NINJ2: variants seen among roughly 807,000 people sequenced by gnomAD.
NINJ2 encodes ninjurin 2.
NINJ2 carries 12 observed loss-of-function variants against 11.7 expected under a neutral mutation model. That is an observed-to-expected ratio of 1.02 (90% CI 0.66 to 1.66). NINJ2 has a LOEUF of 1.66. Among genes scored for constraint, NINJ2 ranks in the 40% most tolerant of loss-of-function variants. The pLI is 0.00. For synonymous variants in NINJ2, 93 were observed against 76.8 expected (o/e 1.21, Z -1.10); for missense variants, 187 against 181.8 (o/e 1.03, Z -0.16).
chr12:608,370 C>A (rs1438252026), intron 1 of NINJ2, among the ~76,000 whole-genome samples: 1 of 152,192 alleles, frequency 6.6e-6, no homozygotes, highest in Non-Finnish European at 1.5e-5. Context: ...TGAATAATAG[C>A]GAACACTTAA....
intron 1 of NINJ2, among the ~76,000 whole-genome samples, chr12:577,437 A>ATGTATATATATATATACATATATATG (rs1172123837): frequency 7.9e-5 from 11 of 138,592 alleles, no homozygotes; most frequent in Non-Finnish European, 9.4e-5. Flanking sequence ...ATACATATAT[A>ATGTATATATATATATACATATATATG]TATATAAATA....
At chr12:636,070 C>A (rs1948348556) in intron 1 of NINJ2, among the ~76,000 whole-genome samples, 1 of 151,016 alleles carries the variant, frequency 6.6e-6, no homozygotes, top group South Asian at 2.1e-4. Context: ...GAGCGAGACT[C>A]TGTATAAAAA....
rs559132769 is a variant in NINJ2, at chr12:635,963, G to C, written c.33+27365C>G. Among the ~76,000 whole-genome samples, 10 of 152,304 alleles carry C rather than the reference G, an allele frequency of 6.6e-5. No homozygotes were observed. In the East Asian group the frequency reaches 1.7e-3, roughly 26 times the overall value. ...ATGGTGGCAGGTGCCTGTAATCCCA[G>C]CTACTCAGGAGGCTGAGGCAGGAGA... On this transcript the variant is annotated intron_variant, in intron 1 of 3. Coordinates refer to ENST00000305108, the MANE Select transcript of NINJ2 (RefSeq NM_016533.6).
chr12:600,685 TGTGTGTGTGTGTG>T (rs1947855606), intron 1 of NINJ2, among the ~76,000 whole-genome samples: 1 of 150,608 alleles, frequency 6.6e-6, no homozygotes. Flanking sequence ...TGTGTGTGTG[TGTGTGTGTGTGTG>T]TTTTGAGACA....
At position 585,923 on chromosome 12, in the gene NINJ2, A is replaced by G. The variant is rs11612008; in HGVS notation, c.34-19745T>C. The G allele has an allele frequency of 0.26, 39,051 of 151,854 alleles. 5,273 individuals are homozygous for G. Among genetic ancestry groups the G allele is most frequent in the South Asian group, 0.37 (1,778 of 4,822 alleles). The allele number at this position is 151,854 out of a possible 1,614,324, so 9.4% of individuals were successfully genotyped here. ...GGCCATCTCAGCTGGCTCCAGACAGACAAGAAGACTCCTTCAGTGTTCTTC... is the reference window on the plus strand; with the variant it reads ...GGCCATCTCAGCTGGCTCCAGACAGGCAAGAAGACTCCTTCAGTGTTCTTC... On this transcript the variant is annotated intron_variant, in intron 1 of 3. Coordinates refer to ENST00000305108, the MANE Select transcript of NINJ2 (RefSeq NM_016533.6). This position sits in a 1 kb window ranked among gnomAD's most constrained non-coding sequence, Gnocchi z 4.1.
intron 1 of NINJ2, among the ~76,000 whole-genome samples, chr12:598,725 G>T (rs1199144206): frequency 2.0e-5 from 3 of 151,820 alleles, no homozygotes; most frequent in South Asian, 2.1e-4. Context: ...TTTGAGACAG[G>T]ATCTTTCTTT....
rs1309243055 is a variant in NINJ2 at position 620,700 on chromosome 12, G to T, written c.33+42628C>A. On this transcript the variant is annotated intron_variant, in intron 1 of 3. Transcript: ENST00000305108. Reference sequence around the variant, plus strand: ...GCTGGAGTGCAGTGGCGCAATCTTGGCTCACTGCAACCTCTGCCTCCTGGG... The same window carrying T: ...GCTGGAGTGCAGTGGCGCAATCTTGTCTCACTGCAACCTCTGCCTCCTGGG... Among the ~76,000 whole-genome samples, 3 of 152,162 alleles carry T rather than the reference G, an allele frequency of 2.0e-5. No homozygotes were observed. In the East Asian group the frequency reaches 5.8e-4, roughly 29 times the overall value.
intron 1 of NINJ2, among the ~76,000 whole-genome samples, chr12:588,230 C>G (rs1361700453): frequency 2.0e-5 from 3 of 150,236 alleles, no homozygotes; most frequent in East Asian, 3.9e-4. Flanking sequence ...ACGGAAGGGA[C>G]AGAAGGGAGG....
intron 1 of NINJ2, among the ~76,000 whole-genome samples, chr12:662,567 A>G (rs985392072): frequency 1.1e-4 from 17 of 152,168 alleles, no homozygotes; most frequent in African/African-American, 4.1e-4. Flanking sequence ...CCTTTTCCAC[A>G]CTTTGTTTGA....
Position 643,306 on chromosome 12 carries a change from G to GTCGCGGCC in NINJ2, c.33+20014_33+20021dup, listed in dbSNP as rs530538390. 260 of 405,264 alleles carry GTCGCGGCC rather than the reference G, an allele frequency of 6.4e-4. 4 individuals carry two copies. In the Middle Eastern group the frequency reaches 0.026, roughly 40 times the overall value. The allele number at this position is 405,264 out of a possible 1,614,324, so 25.1% of individuals were successfully genotyped here. On this transcript the variant is annotated intron_variant, in intron 1 of 3. Coordinates refer to ENST00000305108, the MANE Select transcript of NINJ2 (RefSeq NM_016533.6). ...CGCGGCTGTCTGGAGACTCTGCACC[G>GTCGCGGCC]TCGCGGCCTCGCAGCCTCGCAGCCC... is the stretch of plus-strand genomic sequence containing the variant.
intron 1 of NINJ2, among the ~76,000 whole-genome samples, chr12:587,540 A>G (rs1316604355): frequency 6.6e-6 from 1 of 152,216 alleles, no homozygotes; most frequent in Non-Finnish European, 1.5e-5. Flanking sequence ...AGGGCTCCTC[A>G]GGCTCTCTGA....
chr12:623,445 C>T (rs894914873), intron 1 of NINJ2, among the ~76,000 whole-genome samples: 15 of 152,216 alleles, frequency 9.9e-5, no homozygotes, highest in African/African-American at 3.4e-4. Context: ...CTGTGAGTCT[C>T]TGAATGTACC....
At chr12:593,339 G>A (rs1291232357) in intron 1 of NINJ2, among the ~76,000 whole-genome samples, 1 of 152,104 alleles carries the variant, frequency 6.6e-6, no homozygotes, top group East Asian at 1.9e-4. Context: ...AAAACCTAGC[G>A]ATTGTTAAAG....
At chr12:565,628 G>A in intron 2 of NINJ2, 1 of 612,192 alleles carries the variant, frequency 1.6e-6, no homozygotes, top group Non-Finnish European at 2.9e-6. Context: ...CTTAAGCTGG[G>A]TCCTGTAAGC....
At chr12:617,067 G>C (rs112556353) in intron 1 of NINJ2, among the ~76,000 whole-genome samples, 17 of 152,116 alleles carry the variant, frequency 1.1e-4, no homozygotes, top group Admixed American at 1.1e-3. Context: ...TTAGCCAGAC[G>C]TGGTGGCGCA....
In NINJ2 at chr12:565,924, G is replaced by A. The variant is rs1565616043; in HGVS notation, c.262+26C>T. 3.1e-6 allele frequency: 5 copies of A among 1,602,956 alleles called. No individual in the cohort carries two copies. The African/African-American group carries it at 4.0e-5, about 13-fold the overall frequency. ...CCAGCCACGGGTGCCGAGGCAGAAGGTCTGACTGCAGGCTGGGCTCCTCAC... is the reference window on the plus strand; with the variant it reads ...CCAGCCACGGGTGCCGAGGCAGAAGATCTGACTGCAGGCTGGGCTCCTCAC... On this transcript the variant is annotated intron_variant, in intron 2 of 3. Coordinates refer to ENST00000305108, the MANE Select transcript of NINJ2 (RefSeq NM_016533.6).
chr12:662,437 G>A (rs1045189525), intron 1 of NINJ2, among the ~76,000 whole-genome samples: 35 of 140,730 alleles, frequency 2.5e-4, no homozygotes, highest in African/African-American at 9.5e-4. Context: ...AGAGAGACGC[G>A]TGCACATACT....
chr12:645,776 A>T (rs963477490), intron 1 of NINJ2: 1 of 152,022 alleles, frequency 6.6e-6, no homozygotes, highest in Non-Finnish European at 1.5e-5. Flanking sequence ...ACTAGCCTCC[A>T]TTTACCTTCT....
chr12:606,317 A>C (rs1177977032), intron 1 of NINJ2, among the ~76,000 whole-genome samples: 1 of 152,200 alleles, frequency 6.6e-6, no homozygotes, highest in Admixed American at 6.5e-5. Flanking sequence ...GTAGAACAAA[A>C]AGATGATAGA....
Sources: gnomAD v4.1 joint callset for allele counts (sites outside exome capture counted in the v4.1 genomes callset) on GRCh38, gnomAD v4.1.1 for gene constraint, Gnocchi (gnomAD v3.1) non-coding constraint, MANE v1.5 for transcripts, NCBI Gene and HGNC (gene_info 2026-07-23, HGNC 2026-07-21) for gene names.